COBLL1: variants seen among roughly 807,000 people sequenced by gnomAD.
COBLL1 encodes cordon-bleu WH2 repeat protein like 1.
COBLL1 carries 50 observed loss-of-function variants against 94.8 expected under a neutral mutation model. That is an observed-to-expected ratio of 0.53 (90% confidence interval 0.42 to 0.67). The LOEUF is 0.67. Among genes scored for constraint, COBLL1 ranks in the 30% least tolerant of loss-of-function variants. The pLI is 0.00. For synonymous variants in COBLL1, 448 were observed against 473.8 expected (o/e 0.95, Z 0.71); for missense variants, 1,362 against 1,348.7 (o/e 1.01, Z -0.15).
chr2:164,839,398 A>G (rs369487868), intron 2 of COBLL1, among the ~76,000 whole-genome samples: 1 of 151,976 alleles, frequency 6.6e-6, no homozygotes, highest in Non-Finnish European at 1.5e-5. Context: ...TTTCGGATCA[A>G]CTAGGCAACA....
chr2:164,839,645 A>T (rs538914746), intron 2 of COBLL1, among the ~76,000 whole-genome samples: 1 of 152,222 alleles, frequency 6.6e-6, no homozygotes, highest in South Asian at 2.1e-4. Context: ...AACCTAATCC[A>T]TTTCCAAATC....
chr2:164,666,763 T>C (rs186021535), intron 1 of COBLL1, among the ~76,000 whole-genome samples: 1 of 152,336 alleles, frequency 6.6e-6, no homozygotes. Context: ...CTGTTCAAGT[T>C]TTCTTATGAG....
In COBLL1 at chr2:164,730,077, T is replaced by A. The variant is rs770948723; in HGVS notation, c.269A>T (p.Gln90Leu). The A allele has an allele frequency of 5.0e-6, 8 of 1,613,908 alleles. No individual in the cohort carries two copies. The highest frequency in any genetic ancestry group is 6.8e-6 in the Non-Finnish European group (8 of 1,179,924). ...MMDLLIFLCA[Q>L]YHLNPSSYTI... ...GTAACTTGATGGATTTAAGTGATAC[T>A]GTGCACAAAGGAATATCAACAAGTC... The change falls in exon 4 of 14, where the codon CAG becomes CTG. Residue 90 changes from glutamine to leucine, a missense_variant. Gln to Leu is a moderately radical substitution (Grantham distance 113, BLOSUM62 -2). Coordinates refer to ENST00000652658, the MANE Select transcript of COBLL1 (RefSeq NM_001365672.2).
intron 2 of COBLL1, among the ~76,000 whole-genome samples, chr2:164,775,246 C>T (rs1420334342): frequency 6.6e-6 from 1 of 152,092 alleles, no homozygotes; most frequent in African/African-American, 2.4e-5. Flanking sequence ...CCCAACCCCA[C>T]CCACACTGTC....
intron 1 of COBLL1, among the ~76,000 whole-genome samples, chr2:164,671,818 T>C (rs1194605558): frequency 6.6e-6 from 1 of 151,996 alleles, no homozygotes; most frequent in African/African-American, 2.4e-5. Context: ...CTCATTAACC[T>C]CCTAGCCCTG....
intron 2 of COBLL1, among the ~76,000 whole-genome samples, chr2:164,661,202 G>C (rs941620185): frequency 1.3e-4 from 19 of 151,446 alleles, no homozygotes; most frequent in Non-Finnish European, 2.7e-4. Context: ...CATTTTTGGA[G>C]ACTCTATAAC....
chr2:164,722,538 A>T lies in COBLL1; in HGVS notation c.662-16T>A. The T allele has an allele frequency of 7.4e-7, 1 of 1,357,764 alleles. No individual in the cohort carries two copies. Among genetic ancestry groups the T allele is most frequent in the East Asian group, 2.4e-5 (1 of 41,638 alleles). 84.1% of individuals were successfully genotyped at this position (1,357,764 alleles called of 1,614,324 possible). A position where few individuals can be genotyped will look rare whatever the true frequency, so the allele number is the denominator to read the frequency against. On this transcript the variant is annotated splice_polypyrimidine_tract_variant and intron_variant, in intron 5 of 13. Coordinates refer to ENST00000652658, the MANE Select transcript of COBLL1 (RefSeq NM_001365672.2). ...TGGCAGGACTCTAAAATAGAAGAAAAGCATCTTACTTTTGTATGTGAGGTT... is the reference window on the plus strand; with the variant it reads ...TGGCAGGACTCTAAAATAGAAGAAATGCATCTTACTTTTGTATGTGAGGTT...
chr2:164,695,581 A>G lies in COBLL1; in HGVS notation c.1811T>C (p.Ile604Thr). 1 of 1,613,892 alleles carries G rather than the reference A, an allele frequency of 6.2e-7. No individual in the cohort carries two copies. The highest frequency in any genetic ancestry group is 1.1e-5 in the South Asian group (1 of 91,056). ...ACTGTTACAAGAAGGGGTTGTCTGA[A>G]TTGCTGCATCTTTTGTCTTTTCTGC... ...PSAEKTKDAA[I>T]QTTPSCNSFD... Residue 604 changes from isoleucine to threonine, a missense_variant, in exon 12 of 14, where the codon ATT becomes ACT. Transcript: ENST00000652658.
At chr2:164,818,360 GTA>G (rs2105354708) in intron 2 of COBLL1, among the ~76,000 whole-genome samples, 2 of 144,870 alleles carry the variant, frequency 1.4e-5, no homozygotes, top group South Asian at 4.7e-4. Context: ...GTGCATATAC[GTA>G]TGTGTACATG....
At chr2:164,826,795 C>A (rs1474619250) in intron 2 of COBLL1, among the ~76,000 whole-genome samples, 1 of 152,126 alleles carries the variant, frequency 6.6e-6, no homozygotes, top group East Asian at 1.9e-4. Flanking sequence ...GTAAGGCAGC[C>A]GGCAGAGTTA....
intron 9 of COBLL1, chr2:164,703,278 A>T: frequency 1.9e-6 from 2 of 1,065,698 alleles, no homozygotes; most frequent in Non-Finnish European, 2.8e-6. Flanking sequence ...TAAGGCAAGC[A>T]GAGACCAAGA....
At chr2:164,823,369 T>TTAAA (rs1294752576) in intron 2 of COBLL1, among the ~76,000 whole-genome samples, 2 of 152,172 alleles carry the variant, frequency 1.3e-5, no homozygotes, top group Non-Finnish European at 2.9e-5. Context: ...GGGTTATTGA[T>TTAAA]TAAATGGCTT....
rs552488708 is a variant in COBLL1, at chr2:164,813,429, C to T, written c.41+27727G>A. ...GACTTTTTACCTTGAATCATGGTTG[C>T]TTTTTTAGCTAAACAGATAGAAACA... On this transcript the variant is annotated intron_variant, in intron 2 of 13. Transcript: ENST00000652658. Among the ~76,000 whole-genome samples the T allele has an allele frequency of 3.9e-5, 6 of 152,168 alleles. No homozygotes were observed. The South Asian group carries it at 1.2e-3, about 32-fold the overall frequency.
intron 7 of COBLL1, chr2:164,721,726 G>C (rs1685453575): frequency 6.4e-6 from 1 of 156,910 alleles, no homozygotes; most frequent in South Asian, 2.0e-4. Flanking sequence ...CAAAAATAAA[G>C]ACTGTATTTC....
At position 164,684,301 on chromosome 2, in the gene COBLL1, A is replaced by G. The variant is rs1351681423; in HGVS notation, c.*1645T>C. 1 of 152,142 alleles carries G rather than the reference A, an allele frequency of 6.6e-6. No individual in the cohort carries two copies. Among genetic ancestry groups the G allele is most frequent in the African/African-American group, 2.4e-5 (1 of 41,446 alleles). The allele number at this position is 152,142 out of a possible 1,614,324, so 9.4% of individuals were successfully genotyped here. ...AATTAAGCCTTTCTTATATATTAAT[A>G]TATTGAAAACATCTTACATGTCGCT... On this transcript the variant is annotated 3_prime_UTR_variant, in exon 14 of 14. Transcript: ENST00000652658.
Position 164,841,093 on chromosome 2 carries a change from G to GCCTCGCTGT in COBLL1, c.41+54_41+62dup. 1 of 1,225,178 alleles carries GCCTCGCTGT rather than the reference G, an allele frequency of 8.2e-7. No homozygotes were observed. Among genetic ancestry groups the GCCTCGCTGT allele is most frequent in the East Asian group, 3.2e-5 (1 of 31,468 alleles). 75.9% of individuals were successfully genotyped at this position (1,225,178 alleles called of 1,614,324 possible). On this transcript the variant is annotated intron_variant, in intron 2 of 13. Coordinates refer to ENST00000652658, the MANE Select transcript of COBLL1 (RefSeq NM_001365672.2). This position sits in a 1 kb window ranked among gnomAD's most constrained non-coding sequence, Gnocchi z 5.5. ...TTGCCAGCCAGGTGAAACGGCCGAG[G>GCCTCGCTGT]CCTCGCTGTCCTCGCCGGCCTCGCC...
In COBLL1 at chr2:164,695,823, T is replaced by A; in HGVS notation, c.1569A>T (p.Glu523Asp). The A allele has an allele frequency of 6.4e-7, 1 of 1,572,028 alleles. No individual in the cohort carries two copies. The highest frequency in any genetic ancestry group is 8.6e-7 in the Non-Finnish European group (1 of 1,164,338). Reference protein sequence around the residue: ...GPNQENVVQNEIIVYPENTED... With the variant: ...GPNQENVVQNDIIVYPENTED... Reference sequence around the variant, plus strand: ...CTGTGTTCTCTGGATAGACAATTATTTCATTTTGAACTACTGAGAGAAAAA... The same window carrying A: ...CTGTGTTCTCTGGATAGACAATTATATCATTTTGAACTACTGAGAGAAAAA... Residue 523 changes from glutamate to aspartate, a missense_variant, in exon 12 of 14, where the codon GAA (glutamate) becomes GAT (aspartate). Glu to Asp is a conservative substitution (Grantham distance 45). Coordinates refer to ENST00000652658, the MANE Select transcript of COBLL1 (RefSeq NM_001365672.2).
intron 9 of COBLL1, 60 bp downstream of exon 9, chr2:164,704,384 C>A: frequency 8.8e-7 from 1 of 1,133,770 alleles, no homozygotes; most frequent in Non-Finnish European, 1.3e-6. Flanking sequence ...GGACTCATTT[C>A]TCAATTATCA....
At chr2:164,705,273 G>A in intron 7 of COBLL1, 168 bp from the exon 8 acceptor site, 1 of 434,950 alleles carries the variant, frequency 2.3e-6, no homozygotes, top group Non-Finnish European at 3.9e-6. Flanking sequence ...TGGGCTATGG[G>A]ATAGATATGT....
Sources: allele counts gnomAD v4.1 joint callset (sites outside exome capture counted in the v4.1 genomes callset), GRCh38; gene constraint gnomAD v4.1.1; non-coding constraint Gnocchi (gnomAD v3.1); transcripts MANE v1.5; gene names NCBI Gene and HGNC (gene_info 2026-07-23, HGNC 2026-07-21).